PTOV1: variants seen among roughly 807,000 people sequenced by gnomAD.
The protein encoded by PTOV1 is PTOV1 extended AT-hook containing adaptor protein.
Under a neutral mutation model 58.0 loss-of-function variants are expected in PTOV1, and 20 were observed. The observed-to-expected ratio is 0.34, with a 90% CI of 0.24 to 0.50. The LOEUF is 0.50. Among genes scored for constraint, PTOV1 ranks in the 20% least tolerant of loss-of-function variants. PTOV1 has a pLI of 0.98. For synonymous variants in PTOV1, 335 were observed against 234.2 expected, an observed-to-expected ratio of 1.43 and a Z score of -3.93; for missense variants, 593 against 565.4, an observed-to-expected ratio of 1.05 and a Z score of -0.50.
chr19:49,858,320 C>G, intron 9 of PTOV1: 1 of 755,970 alleles, frequency 1.3e-6, no homozygotes, highest in Non-Finnish European at 2.1e-6. Context: ...AGGGACTGAG[C>G]GGGGCAGGGG....
chr19:49,856,932 C>T (rs199688971), intron 5 of PTOV1, 43 bp from the exon 6 acceptor site: 2 of 1,607,050 alleles, frequency 1.2e-6, no homozygotes, highest in Admixed American at 1.7e-5. Flanking sequence ...GGCACAGTGG[C>T]CCCGGGCAGT....
At chr19:49,853,206 A>G (rs2074321634) in intron 1 of PTOV1, 1 of 152,218 alleles carries the variant, frequency 6.6e-6, no homozygotes, top group Non-Finnish European at 1.5e-5. Context: ...AATTTGGAAA[A>G]TACCTGTTTG....
At chr19:49,852,082 A>C (rs193027936) in intron 1 of PTOV1, 72 of 985,278 alleles carry the variant, frequency 7.3e-5, no homozygotes, top group Non-Finnish European at 8.6e-5. Flanking sequence ...TTTGGGCTGC[A>C]CACGCTTCTC....
At chr19:49,859,939 T>C (rs772780557) in intron 10 of PTOV1, 47 bp from the exon 11 acceptor site, 1 of 1,597,790 alleles carries the variant, frequency 6.3e-7, no homozygotes, top group Non-Finnish European at 8.6e-7. Context: ...GGAGGGATGC[T>C]GGTCCCTGTG....
exon 12 of PTOV1, chr19:49,860,413 G>T (rs970164252): frequency 3.7e-6 from 5 of 1,346,836 alleles, no homozygotes; most frequent in Middle Eastern, 2.7e-4. Flanking sequence ...GAAGCAGGGC[G>T]ACCTTGGCCT....
chr19:49,858,916 C>T (rs1434429893), intron 10 of PTOV1: 12 of 377,018 alleles, frequency 3.2e-5, no homozygotes, highest in East Asian at 4.1e-5. Flanking sequence ...GCTCTCCACT[C>T]CTCAGGGACA....
In PTOV1 at chr19:49,857,989, G is replaced by T. The variant is rs1190267497; in HGVS notation, c.878+12G>T. On this transcript the variant is annotated intron_variant, in intron 8 of 11. Transcript: ENST00000391842. ...CAGGGGGAGATCCTGTGAGTGCTGG[G>T]CTGGGGGGTGGAGGCAGCATCCAGG... 6.2e-7 allele frequency: 1 copy of T among 1,613,144 alleles called. No homozygotes were observed. The highest frequency in any genetic ancestry group is 1.7e-5 in the Admixed American group (1 of 59,974).
Position 49,854,729 on chromosome 19 carries a change from G to A in PTOV1, c.387G>A (p.Glu129=), listed in dbSNP as rs532879959. ...GCCAAGCCTACGTGAACCAAGGCGA[G>A]AACCTGTGAGTGCCGGGGCGTGGCA... Residue 129 remains glutamate, a synonymous_variant, in exon 3 of 12, where the codon GAG becomes GAA. Transcript: ENST00000391842. The A allele has an allele frequency of 1.5e-5, 24 of 1,613,524 alleles. No homozygotes were observed. In the Admixed American group the frequency reaches 3.5e-4, roughly 24 times the overall value.
chr19:49,856,058 G>A (rs967745970), intron 5 of PTOV1: 5 of 152,192 alleles, frequency 3.3e-5, no homozygotes, highest in Admixed American at 1.3e-4. Flanking sequence ...GCCGTTGAGC[G>A]CCCTGGGTTC....
chr19:49,860,457 C>T (rs1027737934), exon 12 of PTOV1: 2 of 968,322 alleles, frequency 2.1e-6, no homozygotes, highest in Non-Finnish European at 3.0e-6. Flanking sequence ...AGGCAGCAGT[C>T]CCAGCGGTCC....
exon 11 of PTOV1, chr19:49,860,007 T>A: frequency 6.2e-7 from 1 of 1,614,172 alleles, no homozygotes; most frequent in South Asian, 1.1e-5. Context: ...GCACTTTTCC[T>A]ACAAAGCATC....
intron 9 of PTOV1, 151 bp from the exon 10 acceptor site, chr19:49,858,398 G>T: frequency 1.4e-6 from 1 of 711,310 alleles, no homozygotes; most frequent in Non-Finnish European, 2.4e-6. Context: ...CTCCAGGGTT[G>T]GGCTGGTTGA....
chr19:49,858,641 G>A lies in PTOV1; in HGVS notation c.1029G>A (p.Met343Ile). The change falls in exon 10 of 12, where the codon ATG becomes ATA. Residue 343 changes from methionine to isoleucine, a missense_variant. By Grantham distance (10) the Met-to-Ile change is conservative. Coordinates refer to ENST00000391842, the Ensembl canonical transcript of PTOV1. ...CACTGAAGAGCCTGTGCCGGATCAT[G>A]GACAATGGCTTCGTGAGTGGTGCCA... is the stretch of plus-strand genomic sequence containing the variant. 1.3e-6 allele frequency: 2 copies of A among 1,599,492 alleles called. No individual in the cohort carries two copies. The highest frequency in any genetic ancestry group is 1.7e-6 in the Non-Finnish European group (2 of 1,172,516).
intron 10 of PTOV1, among the ~76,000 whole-genome samples, chr19:49,859,660 C>T (rs2074657996): frequency 6.6e-6 from 1 of 152,184 alleles, no homozygotes; most frequent in African/African-American, 2.4e-5. Context: ...CGCTGCAGAT[C>T]CCTCGGGCTC....
At chr19:49,855,041 G>T in exon 5 of PTOV1, 1 of 1,598,182 alleles carries the variant, frequency 6.3e-7, no homozygotes, top group Non-Finnish European at 8.5e-7. Flanking sequence ...ACTGCGACTC[G>T]CTCAAGGGGC....
intron 1 of PTOV1, 83 bp downstream of exon 1, chr19:49,851,582 C>T (rs1239942801): frequency 2.9e-6 from 3 of 1,032,256 alleles, no homozygotes; most frequent in East Asian, 4.1e-5. Context: ...TTGTCCGCAG[C>T]CCCCGCCGCT....
chr19:49,852,106 T>TG (rs2074277041), intron 1 of PTOV1: 1 of 980,010 alleles, frequency 1.0e-6, no homozygotes, highest in African/African-American at 1.7e-5. Context: ...ACCCAAAAGA[T>TG]GCACATGCTT....
exon 5 of PTOV1, chr19:49,855,030 G>T (rs752135431): frequency 3.1e-6 from 5 of 1,601,314 alleles, no homozygotes; most frequent in Non-Finnish European, 3.4e-6. Flanking sequence ...CACCAACAGA[G>T]ACTGCGACTC....
At chr19:49,860,273 G>C (rs1309803589) in exon 12 of PTOV1, 3 of 1,613,680 alleles carry the variant, frequency 1.9e-6, no homozygotes, top group South Asian at 2.2e-5. Context: ...CGTAGATGGG[G>C]GGGTAGTGGT....
Sources: allele counts gnomAD v4.1 joint callset (sites outside exome capture counted in the v4.1 genomes callset), GRCh38; gene constraint gnomAD v4.1.1; transcripts MANE v1.5; gene names NCBI Gene and HGNC (gene_info 2026-07-23, HGNC 2026-07-21).